PPP2R2A: variants seen among roughly 807,000 people sequenced by gnomAD.
The protein encoded by PPP2R2A is serine/threonine-protein phosphatase 2A 55 kDa regulatory subunit B alpha isoform.
In PPP2R2A, 9 loss-of-function variants were observed where a neutral mutation model predicts 53.2. That is an observed-to-expected ratio of 0.17 (90% CI 0.10 to 0.30). PPP2R2A has a LOEUF of 0.30. PPP2R2A is among the 10% of genes least tolerant of loss of function. The pLI, the probability that PPP2R2A is intolerant of heterozygous loss-of-function variation, is 1.00. For missense variants in PPP2R2A, 235 were observed against 534.6 expected, an observed-to-expected ratio of 0.44 and a Z score of 5.53; for synonymous variants, 169 against 174.2, an observed-to-expected ratio of 0.97 and a Z score of 0.23.
intron 3 of PPP2R2A, chr8:26,350,612 G>C (rs1266387320): frequency 6.6e-6 from 1 of 151,844 alleles, no homozygotes; most frequent in East Asian, 1.9e-4. Context: ...TGGTCTCACT[G>C]TGTTGCTGAT....
At chr8:26,359,091 T>C in intron 4 of PPP2R2A, 2 of 338,088 alleles carry the variant, frequency 5.9e-6, no homozygotes, top group Non-Finnish European at 1.2e-5. Flanking sequence ...TCACTTCATC[T>C]CTCTGTTCTG....
At chr8:26,343,531 C>G (rs1033016536) in intron 3 of PPP2R2A, among the ~76,000 whole-genome samples, 2 of 151,882 alleles carry the variant, frequency 1.3e-5, no homozygotes, top group Admixed American at 6.6e-5. Flanking sequence ...ACCACCACAC[C>G]TGGCTAATTT....
intron 3 of PPP2R2A, among the ~76,000 whole-genome samples, chr8:26,345,732 A>G (rs1300434409): frequency 1.3e-5 from 2 of 152,192 alleles, no homozygotes; most frequent in Non-Finnish European, 2.9e-5. Flanking sequence ...TCTTTCTAAA[A>G]AAAGAAAAGT....
At position 26,367,618 on chromosome 8, in the gene PPP2R2A, C is replaced by T. The variant is rs545451649; in HGVS notation, c.1064+1212C>T. On this transcript the variant is annotated intron_variant, in intron 9 of 9. Coordinates refer to ENST00000380737, the MANE Select transcript of PPP2R2A (RefSeq NM_002717.4). Reference sequence around the variant, plus strand: ...ATAGCTATATTTGTCCACATAGGTACGTGCGCATGTGCTCACATGCAACTT... The same window carrying T: ...ATAGCTATATTTGTCCACATAGGTATGTGCGCATGTGCTCACATGCAACTT... Among the ~76,000 whole-genome samples the T allele has an allele frequency of 1.2e-4, 18 of 152,336 alleles. No individual in the cohort carries two copies. The South Asian group carries it at 3.7e-3, about 32-fold the overall frequency.
chr8:26,372,615 C>T lies in PPP2R2A; in HGVS notation c.*2202C>T, dbSNP rs1053376866. 6 of 152,100 alleles carry T rather than the reference C, an allele frequency of 3.9e-5. No homozygotes were observed. The allele number at this position is 152,100 out of a possible 1,614,324, so 9.4% of individuals were successfully genotyped here. On this transcript the variant is annotated 3_prime_UTR_variant, in exon 10 of 10. Coordinates refer to ENST00000380737, the MANE Select transcript of PPP2R2A (RefSeq NM_002717.4). ...TTTCATTGGTGTAGCAAACTCTAAGCCCAGCCACTCATTTTACATGGCCAT... is the reference window on the plus strand; with the variant it reads ...TTTCATTGGTGTAGCAAACTCTAAGTCCAGCCACTCATTTTACATGGCCAT...
At chr8:26,335,496 C>T (rs1276265850) in intron 2 of PPP2R2A, among the ~76,000 whole-genome samples, 2 of 152,136 alleles carry the variant, frequency 1.3e-5, no homozygotes, top group East Asian at 1.9e-4. Context: ...AAGATCACAG[C>T]AAGGAGACCA....
chr8:26,362,000 A>G (rs1378366896), intron 6 of PPP2R2A, among the ~76,000 whole-genome samples: 1 of 149,014 alleles, frequency 6.7e-6, no homozygotes, highest in Non-Finnish European at 1.5e-5. Context: ...TATTATATTA[A>G]TTGATATTAA....
Position 26,369,107 on chromosome 8 carries a change from C to CA in PPP2R2A, c.1065-1014dup, listed in dbSNP as rs1286986545. On this transcript the variant is annotated intron_variant, in intron 9 of 9. Transcript: ENST00000380737. The stretch of plus-strand genomic sequence containing the variant: ...TGGGCAACAGAGCGAGACTCCGTCT[C>CA]AAAAAAAAAAAAATTATACACACAC... 8.3e-3 allele frequency among the ~76,000 whole-genome samples: 1,095 copies of CA among 132,094 alleles called. 11 individuals are homozygous for CA. Among genetic ancestry groups the CA allele is most frequent in the African/African-American group, 0.025 (893 of 36,156 alleles). 86.7% of individuals were successfully genotyped at this position (132,094 alleles called of 152,430 possible).
rs1805683192 is a variant in PPP2R2A at position 26,371,983 on chromosome 8, A to G, written c.*1570A>G. ...TATTTTGGTGGAACATAATGTAACA[A>G]CCTTGAATTTCAGAGGACTCTGAGT... On this transcript the variant is annotated 3_prime_UTR_variant, in exon 10 of 10. Transcript: ENST00000380737. 6.6e-6 allele frequency: 1 copy of G among 152,348 alleles called. No homozygotes were observed. The highest frequency in any genetic ancestry group is 3.4e-3 in the Middle Eastern group (1 of 294). The allele number at this position is 152,348 out of a possible 1,614,324, so 9.4% of individuals were successfully genotyped here.
At chr8:26,293,491 T>A (rs1801401998) in intron 1 of PPP2R2A, 175 bp from the exon 2 acceptor site, 1 of 704,528 alleles carries the variant, frequency 1.4e-6, no homozygotes, top group African/African-American at 1.8e-5. Flanking sequence ...TTCTTTCTAA[T>A]GCAGTACCAA....
At chr8:26,356,103 G>A (rs1038094514) in intron 4 of PPP2R2A, among the ~76,000 whole-genome samples, 19 of 152,130 alleles carry the variant, frequency 1.2e-4, no homozygotes, top group Non-Finnish European at 2.6e-4. Flanking sequence ...TGGTGCTAGG[G>A]TGAGGGGAAC....
intron 2 of PPP2R2A, among the ~76,000 whole-genome samples, chr8:26,323,634 A>G (rs946514059): frequency 6.6e-6 from 1 of 152,156 alleles, no homozygotes; most frequent in South Asian, 2.1e-4. Context: ...AAAGGATACA[A>G]ATGAACAGCT....
At chr8:26,314,474 G>C (rs1389446337) in intron 2 of PPP2R2A, among the ~76,000 whole-genome samples, 1 of 151,892 alleles carries the variant, frequency 6.6e-6, no homozygotes, top group Admixed American at 6.6e-5. Context: ...TTTCTTTCTT[G>C]TTTTATGCTA....
chr8:26,369,124 T>C (rs1225862700), intron 9 of PPP2R2A, among the ~76,000 whole-genome samples: 1 of 149,310 alleles, frequency 6.7e-6, no homozygotes, highest in Non-Finnish European at 1.5e-5. Context: ...AAAAAAATTA[T>C]ACACACACAC....
At chr8:26,367,585 G>C (rs939880928) in intron 9 of PPP2R2A, among the ~76,000 whole-genome samples, 2 of 152,148 alleles carry the variant, frequency 1.3e-5, no homozygotes, top group African/African-American at 4.8e-5. Context: ...TCTATTCTCT[G>C]TTTATTTATA....
At chr8:26,351,100 T>G (rs1372252454) in intron 3 of PPP2R2A, among the ~76,000 whole-genome samples, 1 of 152,166 alleles carries the variant, frequency 6.6e-6, no homozygotes, top group African/African-American at 2.4e-5. Flanking sequence ...TAAATAGAGA[T>G]TATTAATATA....
chr8:26,355,237 T>C (rs903912986), intron 4 of PPP2R2A, among the ~76,000 whole-genome samples: 5 of 152,134 alleles, frequency 3.3e-5, no homozygotes, highest in Non-Finnish European at 7.4e-5. Context: ...AGGAGATTCC[T>C]CTCCTACTGT....
At chr8:26,337,514 A>G (rs1803725546) in intron 2 of PPP2R2A, among the ~76,000 whole-genome samples, 1 of 152,146 alleles carries the variant, frequency 6.6e-6, no homozygotes, top group Non-Finnish European at 1.5e-5. Context: ...TATATTTTTA[A>G]TCCTTTATTC....
At chr8:26,357,918 C>T (rs1804877798) in intron 4 of PPP2R2A, among the ~76,000 whole-genome samples, 1 of 152,090 alleles carries the variant, frequency 6.6e-6, no homozygotes, top group South Asian at 2.1e-4. Context: ...CATAATCTCA[C>T]ATACAGTTTT....
Sources: allele counts gnomAD v4.1 joint callset (sites outside exome capture counted in the v4.1 genomes callset), GRCh38; gene constraint gnomAD v4.1.1; transcripts MANE v1.5; gene names NCBI Gene and HGNC (gene_info 2026-07-23, HGNC 2026-07-21).